Variants in KCNQ1OT1 observed in about 807,000 individuals in gnomAD.
KCNQ1OT1 encodes KCNQ1 antisense RNA 2 (non-protein coding).
chr11:2,662,496 C>T (rs971119142), exon 1 of KCNQ1OT1: 1 of 447,378 alleles, frequency 2.2e-6, no homozygotes, highest in South Asian at 6.8e-5. Flanking sequence ...TGCTGCTGTC[C>T]TCAGGGGCTC....
At chr11:2,616,499 C>A (rs1849066970) in exon 1 of KCNQ1OT1, 1 of 397,676 alleles carries the variant, frequency 2.5e-6, no homozygotes, top group Non-Finnish European at 4.4e-6. Flanking sequence ...ATGGATCCTT[C>A]TTCTTTTTCA....
chr11:2,636,142 T>G (rs1199003572), exon 1 of KCNQ1OT1: 1 of 152,250 alleles, frequency 6.6e-6, no homozygotes, highest in Non-Finnish European at 1.5e-5. Context: ...AGGGACAATT[T>G]GACTTCCTCT....
chr11:2,699,611 C>CGG (rs1590040125), exon 1 of KCNQ1OT1: 1 of 349,884 alleles, frequency 2.9e-6, no homozygotes, highest in East Asian at 4.5e-5. Context: ...GAGAGGCCCC[C>CGG]GGAGAGAACC....
chr11:2,669,177 C>G lies in KCNQ1OT1; in HGVS notation n.30818G>C. 2.5e-6 allele frequency: 1 copy of G among 398,634 alleles called. No individual in the cohort carries two copies. The highest frequency in any genetic ancestry group is 4.4e-6 in the Non-Finnish European group (1 of 226,090). 24.7% of individuals were successfully genotyped at this position (398,634 alleles called of 1,614,324 possible). A position where few individuals can be genotyped will look rare whatever the true frequency, so the allele number is the denominator to read the frequency against. ...TTCAAGTTGTTCTTTGTGGCCAGGA[C>G]CTTGCTTCCTTCTCACTGTAGTTTG... On this transcript the variant is annotated non_coding_transcript_exon_variant, in exon 1 of 1. Coordinates refer to ENST00000597346, the Ensembl canonical transcript of KCNQ1OT1. This position sits in a 1 kb window ranked among gnomAD's most constrained non-coding sequence, Gnocchi z 5.6.
chr11:2,658,001 G>A lies in KCNQ1OT1; in HGVS notation n.41994C>T. The stretch of plus-strand genomic sequence containing the variant: ...CAGGCTCCTCCACTGTAAGTGAATA[G>A]CTGTTTTTCCCTTTCCATAGCTTAG... On this transcript the variant is annotated non_coding_transcript_exon_variant, in exon 1 of 1. Transcript: ENST00000597346. This position sits in a 1 kb window ranked among gnomAD's most constrained non-coding sequence, Gnocchi z 4.9. The A allele has an allele frequency of 2.5e-6, 1 of 398,556 alleles. No individual in the cohort carries two copies. The highest frequency in any genetic ancestry group is 1.3e-4 in the South Asian group (1 of 7,860). The allele number at this position is 398,556 out of a possible 1,614,324, so 24.7% of individuals were successfully genotyped here.
In KCNQ1OT1 at chr11:2,612,208, T is replaced by C. The variant is rs1055454880; in HGVS notation, n.87787A>G. Reference sequence around the variant, plus strand: ...CAAGCAAGCATTACTGCCTGAGCTCTGCCTCCTGTCTGATCAGTGATGGCA... The same window carrying C: ...CAAGCAAGCATTACTGCCTGAGCTCCGCCTCCTGTCTGATCAGTGATGGCA... On this transcript the variant is annotated non_coding_transcript_exon_variant, in exon 1 of 1. Coordinates refer to ENST00000597346, the Ensembl canonical transcript of KCNQ1OT1. The surrounding 1 kb of genome is among the most constrained non-coding windows in gnomAD (Gnocchi z 5.5). 4 of 398,580 alleles carry C rather than the reference T, an allele frequency of 1.0e-5. No individual in the cohort carries two copies. Among genetic ancestry groups the C allele is most frequent in the Non-Finnish European group, 8.8e-6 (2 of 226,108 alleles). 24.7% of individuals were successfully genotyped at this position (398,580 alleles called of 1,614,324 possible).
chr11:2,670,626 A>G lies in KCNQ1OT1; in HGVS notation n.29369T>C. ...ACACAATCTCTGGGGGAGCCTGGATATGCATGGCAGAGGCCAGGATGAACC... is the reference window on the plus strand; with the variant it reads ...ACACAATCTCTGGGGGAGCCTGGATGTGCATGGCAGAGGCCAGGATGAACC... On this transcript the variant is annotated non_coding_transcript_exon_variant, in exon 1 of 1. Coordinates refer to ENST00000597346, the Ensembl canonical transcript of KCNQ1OT1. This position sits in a 1 kb window ranked among gnomAD's most constrained non-coding sequence, Gnocchi z 4.9. The G allele has an allele frequency of 2.5e-6, 1 of 398,568 alleles. No individual in the cohort carries two copies. The highest frequency in any genetic ancestry group is 4.4e-5 in the Admixed American group (1 of 22,728). The allele number at this position is 398,568 out of a possible 1,614,324, so 24.7% of individuals were successfully genotyped here.
At position 2,617,940 on chromosome 11, in the gene KCNQ1OT1, T is replaced by TA; in HGVS notation, n.82054dup. 2.5e-6 allele frequency: 1 copy of TA among 398,606 alleles called. No individual in the cohort carries two copies. The highest frequency in any genetic ancestry group is 4.4e-6 in the Non-Finnish European group (1 of 226,046). The allele number at this position is 398,606 out of a possible 1,614,324, so 24.7% of individuals were successfully genotyped here. ...TTATAAATTTTGGATATTATCCTCTTATAAGATATATGGTTGGCAAATATT... is the reference window on the plus strand; with the variant it reads ...TTATAAATTTTGGATATTATCCTCTTAATAAGATATATGGTTGGCAAATATT... On this transcript the variant is annotated non_coding_transcript_exon_variant, in exon 1 of 1. Coordinates refer to ENST00000597346, the Ensembl canonical transcript of KCNQ1OT1. The surrounding 1 kb of genome is among the most constrained non-coding windows in gnomAD (Gnocchi z 4.6).
rs1003905941 is a variant in KCNQ1OT1 at position 2,678,850 on chromosome 11, C to G, written n.21145G>C. On this transcript the variant is annotated non_coding_transcript_exon_variant, in exon 1 of 1. Transcript: ENST00000597346. This position sits in a 1 kb window ranked among gnomAD's most constrained non-coding sequence, Gnocchi z 4.9. ...ACTTCAAGGAAGGCAGAATCCAGGT[C>G]GGGGGTGCACAGGAGTTGCCAGCTG... 1 of 398,520 alleles carries G rather than the reference C, an allele frequency of 2.5e-6. No homozygotes were observed. Among genetic ancestry groups the G allele is most frequent in the Non-Finnish European group, 4.4e-6 (1 of 226,058 alleles). 24.7% of individuals were successfully genotyped at this position (398,520 alleles called of 1,614,324 possible). A position where few individuals can be genotyped will look rare whatever the true frequency, so the allele number is the denominator to read the frequency against.
In KCNQ1OT1 at chr11:2,670,338, C is replaced by T. The variant is rs1462270677; in HGVS notation, n.29657G>A. ...CTCAAATATGGTAGCAGAGTTCAGA[C>T]TCAGTGGCTTTCAGATGGTTAGTAT... is the stretch of plus-strand genomic sequence containing the variant. On this transcript the variant is annotated non_coding_transcript_exon_variant, in exon 1 of 1. Transcript: ENST00000597346. The surrounding 1 kb of genome is among the most constrained non-coding windows in gnomAD (Gnocchi z 4.9). 2.5e-6 allele frequency: 1 copy of T among 398,464 alleles called. No homozygotes were observed. The highest frequency in any genetic ancestry group is 4.4e-6 in the Non-Finnish European group (1 of 226,076). The allele number at this position is 398,464 out of a possible 1,614,324, so 24.7% of individuals were successfully genotyped here.
exon 1 of KCNQ1OT1, chr11:2,631,771 A>G (rs534397053): frequency 1.8e-4 from 73 of 398,698 alleles, no homozygotes; most frequent in African/African-American, 1.4e-3. Flanking sequence ...AGCTGAGGTC[A>G]GCAGTGGCAA....
At position 2,664,434 on chromosome 11, in the gene KCNQ1OT1, C is replaced by T. The variant is rs905309467; in HGVS notation, n.35561G>A. On this transcript the variant is annotated non_coding_transcript_exon_variant, in exon 1 of 1. Coordinates refer to ENST00000597346, the Ensembl canonical transcript of KCNQ1OT1. The surrounding 1 kb of genome is among the most constrained non-coding windows in gnomAD (Gnocchi z 5.1). ...CACGTACAGTGTCAGGGCCTAGGAA[C>T]CCAGGCTCCTCTGGGATACAGGCTG... is the stretch of plus-strand genomic sequence containing the variant. The T allele has an allele frequency of 7.5e-6, 3 of 398,496 alleles. No homozygotes were observed. The highest frequency in any genetic ancestry group is 4.1e-5 in the African/African-American group (2 of 48,592). The allele number at this position is 398,496 out of a possible 1,614,324, so 24.7% of individuals were successfully genotyped here.
At chr11:2,638,735 G>A (rs1849521041) in exon 1 of KCNQ1OT1, 1 of 152,152 alleles carries the variant, frequency 6.6e-6, no homozygotes, top group South Asian at 2.1e-4. Flanking sequence ...TTGCTAGGTT[G>A]GGGAAGTTCT....
chr11:2,650,540 G>A (rs771958326), exon 1 of KCNQ1OT1: 5 of 398,556 alleles, frequency 1.3e-5, no homozygotes, highest in Non-Finnish European at 2.2e-5. Context: ...GTATCTGCAA[G>A]TTCATCAGTG....
chr11:2,625,205 A>C, exon 1 of KCNQ1OT1: 1 of 398,638 alleles, frequency 2.5e-6, no homozygotes, highest in Non-Finnish European at 4.4e-6. Flanking sequence ...ACAGTGCACA[A>C]GGATTCCAAT....
At chr11:2,667,904 T>C (rs1406426083) in exon 1 of KCNQ1OT1, 12 of 398,502 alleles carry the variant, frequency 3.0e-5, no homozygotes, top group Non-Finnish European at 5.3e-5. Context: ...TGAGGCATCT[T>C]CAGTCCCTGG....
Position 2,688,220 on chromosome 11 carries a change from G to A in KCNQ1OT1, n.11775C>T, listed in dbSNP as rs1259196302. 6 of 398,646 alleles carry A rather than the reference G, an allele frequency of 1.5e-5. No individual in the cohort carries two copies. In the East Asian group the frequency reaches 1.8e-4, roughly 12 times the overall value. 24.7% of individuals were successfully genotyped at this position (398,646 alleles called of 1,614,324 possible). On this transcript the variant is annotated non_coding_transcript_exon_variant, in exon 1 of 1. Coordinates refer to ENST00000597346, the Ensembl canonical transcript of KCNQ1OT1. Reference sequence around the variant, plus strand: ...AGGGGCTGCACTGAGCCCACCAAAGGTTGTAGCCACTCATACAGGGCTGTT... The same window carrying A: ...AGGGGCTGCACTGAGCCCACCAAAGATTGTAGCCACTCATACAGGGCTGTT...
rs1253125461 is a variant in KCNQ1OT1 at position 2,652,214 on chromosome 11, C to T, written n.47781G>A. 2 of 398,438 alleles carry T rather than the reference C, an allele frequency of 5.0e-6. No homozygotes were observed. The highest frequency in any genetic ancestry group is 8.8e-6 in the Non-Finnish European group (2 of 226,094). 24.7% of individuals were successfully genotyped at this position (398,438 alleles called of 1,614,324 possible). On this transcript the variant is annotated non_coding_transcript_exon_variant, in exon 1 of 1. Transcript: ENST00000597346. This position sits in a 1 kb window ranked among gnomAD's most constrained non-coding sequence, Gnocchi z 5.9. ...GGATTTGGTAGCCAGGGCCTGGAGC[C>T]GGATGCTGAGAATGAGGCCTGCAAC...
exon 1 of KCNQ1OT1, chr11:2,630,455 T>A (rs1362998226): frequency 2.5e-6 from 1 of 398,286 alleles, no homozygotes; most frequent in Non-Finnish European, 4.4e-6. Context: ...CCCTCTTTGT[T>A]TGGGGGGAAT....
Sources: gnomAD v4.1 joint callset for allele counts on GRCh38, gnomAD v4.1.1 for gene constraint, Gnocchi (gnomAD v3.1) non-coding constraint, MANE v1.5 for transcripts, NCBI Gene and HGNC (gene_info 2026-07-23, HGNC 2026-07-21) for gene names.